CTNNA3: variants seen among roughly 807,000 people sequenced by gnomAD.
The protein encoded by CTNNA3 is catenin alpha-3.
In CTNNA3, 76 loss-of-function variants were observed where a neutral mutation model predicts 95.7. That is an observed-to-expected ratio of 0.79 (90% CI 0.66 to 0.96). The LOEUF (loss-of-function observed/expected upper bound fraction) is 0.96. CTNNA3 is among the 40% of genes least tolerant of loss of function. CTNNA3 has a pLI of 0.00. For synonymous variants in CTNNA3, 431 were observed against 374.4 expected, an observed-to-expected ratio of 1.15 and a Z score of -1.74; for missense variants, 1,191 against 1,089.8, an observed-to-expected ratio of 1.09 and a Z score of -1.31.
intron 14 of CTNNA3, among the ~76,000 whole-genome samples, chr10:66,089,664 A>G (rs1166926909): frequency 6.6e-6 from 1 of 151,754 alleles, no homozygotes; most frequent in African/African-American, 2.4e-5. Flanking sequence ...TGTTTTTATC[A>G]CTACACAAGG....
intron 3 of CTNNA3, among the ~76,000 whole-genome samples, chr10:67,603,325 T>C (rs1843147985): frequency 6.6e-6 from 1 of 152,156 alleles, no homozygotes; most frequent in East Asian, 1.9e-4. Flanking sequence ...GGTGGTCCCA[T>C]AGGAATATAG....
chr10:66,358,273 G>T (rs2092626631), intron 12 of CTNNA3, among the ~76,000 whole-genome samples: 1 of 152,038 alleles, frequency 6.6e-6, no homozygotes, highest in Non-Finnish European at 1.5e-5. Flanking sequence ...AAAGTGTTTT[G>T]CTTGGAGGTT....
chr10:66,674,914 G>T (rs557857750), intron 9 of CTNNA3, among the ~76,000 whole-genome samples: 5 of 152,138 alleles, frequency 3.3e-5, no homozygotes, highest in African/African-American at 1.2e-4. Flanking sequence ...AAAAAGCAAA[G>T]TTAAAGTGGG....
intron 5 of CTNNA3, among the ~76,000 whole-genome samples, chr10:67,232,483 A>G (rs924795769): frequency 3.3e-5 from 5 of 152,172 alleles, no homozygotes; most frequent in Non-Finnish European, 7.3e-5. Flanking sequence ...TCACCACCAG[A>G]CCTGCCCTAA....
chr10:67,303,558 C>G (rs1840415548), intron 5 of CTNNA3, among the ~76,000 whole-genome samples: 1 of 152,140 alleles, frequency 6.6e-6, no homozygotes, highest in South Asian at 2.1e-4. Context: ...TTTAAGGAAG[C>G]TAGAAATTTA....
intron 7 of CTNNA3, among the ~76,000 whole-genome samples, chr10:66,802,061 G>T (rs533787437): frequency 1.3e-5 from 2 of 151,734 alleles, no homozygotes; most frequent in East Asian, 3.9e-4. Flanking sequence ...ATGAACCTCA[G>T]TCCCTTTTTA....
intron 10 of CTNNA3, among the ~76,000 whole-genome samples, chr10:66,582,285 T>C (rs1262631111): frequency 4.0e-5 from 6 of 150,996 alleles, no homozygotes; most frequent in Non-Finnish European, 7.4e-5. Flanking sequence ...GCAAAGAATG[T>C]ATTTCCATTT....
intron 7 of CTNNA3, among the ~76,000 whole-genome samples, chr10:67,046,589 A>G (rs780753418): frequency 6.6e-6 from 1 of 152,154 alleles, no homozygotes; most frequent in African/African-American, 2.4e-5. Flanking sequence ...ACATTTTATA[A>G]TCTATGATCT....
chr10:67,440,976 T>C (rs1846491220), intron 5 of CTNNA3, among the ~76,000 whole-genome samples: 1 of 151,926 alleles, frequency 6.6e-6, no homozygotes, highest in Admixed American at 6.6e-5. Flanking sequence ...GGACCAATAC[T>C]GGCGACACAG....
At chr10:67,371,218 T>TG (rs1264376923) in intron 5 of CTNNA3, among the ~76,000 whole-genome samples, 2 of 151,464 alleles carry the variant, frequency 1.3e-5, no homozygotes, top group African/African-American at 4.8e-5. Flanking sequence ...CCATTTTTCT[T>TG]TTTATATATA....
chr10:67,390,247 C>G (rs1844402665), intron 5 of CTNNA3, among the ~76,000 whole-genome samples: 1 of 152,128 alleles, frequency 6.6e-6, no homozygotes, highest in Non-Finnish European at 1.5e-5. Flanking sequence ...CACAGAAATA[C>G]AAACTACCAT....
At chr10:66,041,829 A>G (rs2079695435) in intron 15 of CTNNA3, among the ~76,000 whole-genome samples, 1 of 152,140 alleles carries the variant, frequency 6.6e-6, no homozygotes, top group Non-Finnish European at 1.5e-5. Flanking sequence ...ACCTAACTCC[A>G]TTCTTATATC....
intron 14 of CTNNA3, among the ~76,000 whole-genome samples, chr10:66,089,387 C>T (rs1200348077): frequency 6.6e-6 from 1 of 151,234 alleles, no homozygotes; most frequent in Non-Finnish European, 1.5e-5. Context: ...TCCATCCTTC[C>T]TTCTTTCCTT....
intron 13 of CTNNA3, among the ~76,000 whole-genome samples, chr10:66,206,379 A>G (rs958366466): frequency 2.6e-5 from 4 of 152,012 alleles, no homozygotes; most frequent in African/African-American, 7.2e-5. Flanking sequence ...ATATGTGTCT[A>G]CAGAATAAAT....
chr10:66,760,418 A>G (rs1014765384), intron 9 of CTNNA3, among the ~76,000 whole-genome samples: 3 of 152,142 alleles, frequency 2.0e-5, no homozygotes, highest in Non-Finnish European at 2.9e-5. Flanking sequence ...TGAGCACTGT[A>G]CCTTTATTCA....
intron 13 of CTNNA3, among the ~76,000 whole-genome samples, chr10:66,156,256 T>C (rs919883527): frequency 4.0e-5 from 6 of 151,880 alleles, no homozygotes; most frequent in South Asian, 2.1e-4. Flanking sequence ...TGCAACCGAC[T>C]AAAGAAAGGA....
rs1413441466 is a variant in CTNNA3 at position 66,895,069 on chromosome 10, A to AG, written c.1048-119546_1048-119545insC. ...AACAAATAAACAAAAAAAAAAAAAA[A>AG]AAAGAAAGTGTCCTACTTGGAAATG... On this transcript the variant is annotated intron_variant, in intron 7 of 17. Coordinates refer to ENST00000433211, the MANE Select transcript of CTNNA3 (RefSeq NM_013266.4). Among the ~76,000 whole-genome samples, 132 of 150,440 alleles carry AG rather than the reference A, an allele frequency of 8.8e-4. 2 individuals are homozygous for AG. In the Middle Eastern group the frequency reaches 0.021, roughly 23 times the overall value.
chr10:67,673,342 T>C (rs1224517032), intron 1 of CTNNA3, among the ~76,000 whole-genome samples: 3 of 148,060 alleles, frequency 2.0e-5, no homozygotes, highest in Non-Finnish European at 4.5e-5. Context: ...CCTAATTGAA[T>C]ACCCTTTATT....
intron 10 of CTNNA3, among the ~76,000 whole-genome samples, chr10:66,542,586 T>C (rs1171456205): frequency 1.3e-5 from 2 of 152,062 alleles, no homozygotes; most frequent in East Asian, 1.9e-4. Context: ...ATGTCCTTTG[T>C]ATGGACATGG....
Sources: gnomAD v4.1 joint callset for allele counts (sites outside exome capture counted in the v4.1 genomes callset) on GRCh38, gnomAD v4.1.1 for gene constraint, MANE v1.5 for transcripts, NCBI Gene and HGNC (gene_info 2026-07-23, HGNC 2026-07-21) for gene names.